The following CNTNAP5 variants were observed in gnomAD, a reference collection of about 807,000 sequenced individuals.
The protein encoded by CNTNAP5 is contactin-associated protein-like 5.
Under a neutral mutation model 150.2 loss-of-function variants are expected in CNTNAP5, and 72 were observed. The ratio of observed to expected loss-of-function variants is 0.48; its 90% CI spans 0.40 to 0.58. The LOEUF (loss-of-function observed/expected upper bound fraction) is 0.58. CNTNAP5 is among the 20% of genes least tolerant of loss of function. CNTNAP5 has a pLI of 0.00. For synonymous variants in CNTNAP5, 672 were observed against 619.8 expected (o/e 1.08, Z -1.25); for missense variants, 1,636 against 1,626.2 (o/e 1.01, Z -0.10).
At chr2:124,193,734 A>G (rs1685511518) in intron 1 of CNTNAP5, among the ~76,000 whole-genome samples, 1 of 152,198 alleles carries the variant, frequency 6.6e-6, no homozygotes, top group African/African-American at 2.4e-5. Flanking sequence ...CAATTAGTTT[A>G]TGAAATGTGA....
At chr2:124,878,056 A>T (rs190341021) in intron 21 of CNTNAP5, among the ~76,000 whole-genome samples, 65 of 152,194 alleles carry the variant, frequency 4.3e-4, no homozygotes, top group Non-Finnish European at 9.1e-4. Flanking sequence ...AGCTCCTAAT[A>T]AATCCTGCCA....
chr2:124,844,411 A>T (rs566338775), intron 19 of CNTNAP5, among the ~76,000 whole-genome samples: 91 of 152,150 alleles, frequency 6.0e-4, no homozygotes, highest in African/African-American at 2.0e-3. Flanking sequence ...TTTGGTGACT[A>T]TGGCCTAATA....
At chr2:124,645,703 A>G (rs1678189140) in intron 12 of CNTNAP5, among the ~76,000 whole-genome samples, 1 of 152,196 alleles carries the variant, frequency 6.6e-6, no homozygotes, top group Non-Finnish European at 1.5e-5. Context: ...GTATTAGGCC[A>G]TTTTTGCATT....
At position 124,431,909 on chromosome 2, in the gene CNTNAP5, C is replaced by T. The variant is rs549863947; in HGVS notation, c.530-2575C>T. Among the ~76,000 whole-genome samples, 10 of 152,016 alleles carry T rather than the reference C, an allele frequency of 6.6e-5. No homozygotes were observed. In the South Asian group the frequency reaches 1.2e-3, roughly 19 times the overall value. On this transcript the variant is annotated intron_variant, in intron 4 of 23. Coordinates refer to ENST00000682447, the MANE Select transcript of CNTNAP5 (RefSeq NM_001367498.1). ...TAGTAGAGCTGCTCTATAGAGGGCT[C>T]CTCTCCTTAGTTTAATGTCTTTACC...
At chr2:124,426,091 A>G (rs1187043818) in intron 4 of CNTNAP5, among the ~76,000 whole-genome samples, 1 of 152,176 alleles carries the variant, frequency 6.6e-6, no homozygotes, top group Non-Finnish European at 1.5e-5. Context: ...GGCGAGTCTT[A>G]CTGTTAGAGC....
At chr2:124,252,527 A>C (rs1687212072) in intron 3 of CNTNAP5, among the ~76,000 whole-genome samples, 1 of 152,022 alleles carries the variant, frequency 6.6e-6, no homozygotes, top group Non-Finnish European at 1.5e-5. Flanking sequence ...AAAGCCCTTG[A>C]GTCTTGTTTC....
At chr2:124,071,491 A>C (rs1682303694) in intron 1 of CNTNAP5, among the ~76,000 whole-genome samples, 2 of 152,034 alleles carry the variant, frequency 1.3e-5, no homozygotes, top group South Asian at 2.1e-4. Flanking sequence ...GACCCAGATA[A>C]ATAAAATTGG....
At chr2:124,714,521 C>A (rs1184157517) in intron 13 of CNTNAP5, among the ~76,000 whole-genome samples, 1 of 152,020 alleles carries the variant, frequency 6.6e-6, no homozygotes, top group Non-Finnish European at 1.5e-5. Context: ...AAGGCAAAGG[C>A]ATTACCTTCA....
rs1373348745 is a variant in CNTNAP5 at position 124,255,569 on chromosome 2, TAA to T, written c.381+13179_381+13180del. On this transcript the variant is annotated intron_variant, in intron 3 of 23. Transcript: ENST00000682447. Reference sequence around the variant, plus strand: ...TAAAATAAAATAAAATAAAATAAAATAAAATAAAATAAAATAATAATTTTTTT... The same window carrying T: ...TAAAATAAAATAAAATAAAATAAAATAATAAAATAAAATAATAATTTTTTT... Among the ~76,000 whole-genome samples, 173 of 89,608 alleles carry T rather than the reference TAA, an allele frequency of 1.9e-3. 1 individual carries two copies. Among genetic ancestry groups the T allele is most frequent in the South Asian group, 3.3e-3 (6 of 1,830 alleles). The allele number at this position is 89,608 out of a possible 152,430, so 58.8% of individuals were successfully genotyped here. A position where few individuals can be genotyped will look rare whatever the true frequency, so the allele number is the denominator to read the frequency against.
chr2:124,378,899 T>C (rs1690720545), intron 3 of CNTNAP5, among the ~76,000 whole-genome samples: 1 of 152,208 alleles, frequency 6.6e-6, no homozygotes, highest in African/African-American at 2.4e-5. Flanking sequence ...AAGTTCACTT[T>C]GCATATGAAT....
intron 19 of CNTNAP5, among the ~76,000 whole-genome samples, chr2:124,851,029 TA>T (rs1192878257): frequency 2.0e-5 from 3 of 152,138 alleles, no homozygotes; most frequent in African/African-American, 7.2e-5. Context: ...AGTTTTACTG[TA>T]AACCATCAGG....
intron 8 of CNTNAP5, among the ~76,000 whole-genome samples, chr2:124,513,677 G>A (rs1694643707): frequency 6.6e-6 from 1 of 152,174 alleles, no homozygotes; most frequent in African/African-American, 2.4e-5. Flanking sequence ...AAACAGTCCT[G>A]TTACAACAAT....
At chr2:124,575,200 A>C (rs1696254122) in intron 11 of CNTNAP5, among the ~76,000 whole-genome samples, 1 of 152,234 alleles carries the variant, frequency 6.6e-6, no homozygotes, top group African/African-American at 2.4e-5. Flanking sequence ...GCAGGACACA[A>C]GCCTGAATAT....
At chr2:124,733,510 A>T (rs895425450) in intron 13 of CNTNAP5, among the ~76,000 whole-genome samples, 1 of 152,144 alleles carries the variant, frequency 6.6e-6, no homozygotes, top group Admixed American at 6.6e-5. Flanking sequence ...GGAAAGAATT[A>T]TGTTAGCAGA....
At chr2:124,055,750 C>T (rs1300988205) in intron 1 of CNTNAP5, among the ~76,000 whole-genome samples, 6 of 152,204 alleles carry the variant, frequency 3.9e-5, no homozygotes, top group Non-Finnish European at 8.8e-5. Flanking sequence ...TTCATTTCCT[C>T]GTGTTTAAGC....
intron 7 of CNTNAP5, among the ~76,000 whole-genome samples, chr2:124,495,737 C>A (rs1197311453): frequency 6.6e-6 from 1 of 152,166 alleles, no homozygotes; most frequent in Non-Finnish European, 1.5e-5. Context: ...CACTTAAATT[C>A]CTAACATGTA....
chr2:124,261,207 G>T (rs1464541702), intron 3 of CNTNAP5, among the ~76,000 whole-genome samples: 1 of 152,050 alleles, frequency 6.6e-6, no homozygotes, highest in African/African-American at 2.4e-5. Flanking sequence ...TACTAAAGAG[G>T]TAGTGGCTAT....
At chr2:124,062,909 C>T (rs1385067051) in intron 1 of CNTNAP5, among the ~76,000 whole-genome samples, 3 of 151,874 alleles carry the variant, frequency 2.0e-5, no homozygotes, top group African/African-American at 7.3e-5. Context: ...ATCTCTGCAT[C>T]GGTAGTAGAG....
chr2:124,068,025 G>A (rs1331989045), intron 1 of CNTNAP5, among the ~76,000 whole-genome samples: 1 of 152,130 alleles, frequency 6.6e-6, no homozygotes, highest in Non-Finnish European at 1.5e-5. Flanking sequence ...GTGGAGCAAG[G>A]AGGCAGAATA....
Sources: allele counts gnomAD v4.1 joint callset (sites outside exome capture counted in the v4.1 genomes callset), GRCh38; gene constraint gnomAD v4.1.1; transcripts MANE v1.5; gene names NCBI Gene and HGNC (gene_info 2026-07-23, HGNC 2026-07-21).